RSPO2: variants seen among roughly 807,000 people sequenced by gnomAD.
RSPO2 encodes R-spondin 2.
In RSPO2, 14 loss-of-function variants were observed where a neutral mutation model predicts 30.9. The ratio of observed to expected loss-of-function variants is 0.45; its 90% CI spans 0.30 to 0.71. The LOEUF is 0.71. Among genes scored for constraint, RSPO2 ranks in the 30% least tolerant of loss-of-function variants. The pLI is 0.08. For synonymous variants in RSPO2, 107 were observed against 96.4 expected (o/e 1.11, Z -0.64); for missense variants, 264 against 301.9 (o/e 0.87, Z 0.93).
chr8:107,911,529 T>C (rs974744340), intron 5 of RSPO2, among the ~76,000 whole-genome samples: 2 of 152,192 alleles, frequency 1.3e-5, no homozygotes, highest in Non-Finnish European at 2.9e-5. Context: ...GTAACAATGA[T>C]GCCTGCTTCA....
intron 2 of RSPO2, among the ~76,000 whole-genome samples, chr8:108,075,274 A>G (rs1400680702): frequency 6.6e-6 from 1 of 152,210 alleles, no homozygotes; most frequent in Non-Finnish European, 1.5e-5. Context: ...TGAGGTCAGG[A>G]GTTCAAGACC....
At chr8:108,080,844 C>T (rs1429094623) in intron 2 of RSPO2, among the ~76,000 whole-genome samples, 1 of 152,156 alleles carries the variant, frequency 6.6e-6, no homozygotes, top group East Asian at 1.9e-4. Flanking sequence ...TAGACTGCAG[C>T]TTTGACTTAT....
chr8:107,953,927 T>G (rs936379285), intron 5 of RSPO2, among the ~76,000 whole-genome samples: 5 of 152,226 alleles, frequency 3.3e-5, no homozygotes, highest in African/African-American at 1.2e-4. Flanking sequence ...CCTGTCCTAC[T>G]TGTCTCCACA....
intron 2 of RSPO2, among the ~76,000 whole-genome samples, chr8:107,999,184 T>A (rs1815139116): frequency 6.7e-6 from 1 of 150,154 alleles, no homozygotes; most frequent in Admixed American, 6.6e-5. Context: ...CTCATATTAA[T>A]TTATCTAACA....
chr8:107,956,435 C>T (rs1813436929), intron 5 of RSPO2, among the ~76,000 whole-genome samples: 1 of 152,078 alleles, frequency 6.6e-6, no homozygotes, highest in African/African-American at 2.4e-5. Flanking sequence ...TTTGTTTTGG[C>T]GTAACTTAAA....
At chr8:108,043,431 T>C (rs1811814042) in intron 2 of RSPO2, among the ~76,000 whole-genome samples, 1 of 152,140 alleles carries the variant, frequency 6.6e-6, no homozygotes, top group Admixed American at 6.6e-5. Flanking sequence ...TTACATTTCA[T>C]CTGTTTTATT....
intron 3 of RSPO2, among the ~76,000 whole-genome samples, chr8:107,969,677 A>G (rs1283004466): frequency 6.6e-6 from 1 of 152,184 alleles, no homozygotes; most frequent in East Asian, 1.9e-4. Flanking sequence ...TTTTTTTCCC[A>G]TGGTGAAGGT....
At chr8:107,938,521 C>T (rs1439597513) in intron 5 of RSPO2, among the ~76,000 whole-genome samples, 1 of 152,098 alleles carries the variant, frequency 6.6e-6, no homozygotes, top group Non-Finnish European at 1.5e-5. Context: ...TGTAATTCCC[C>T]AGCCCATCAA....
intron 3 of RSPO2, chr8:107,983,152 C>A: frequency 6.6e-7 from 1 of 1,513,900 alleles, no homozygotes; most frequent in South Asian, 1.3e-5. Context: ...CCTGGCTCAT[C>A]AACAGAGCAG....
At chr8:108,001,009 AT>A (rs1394998325) in intron 2 of RSPO2, among the ~76,000 whole-genome samples, 3 of 148,570 alleles carry the variant, frequency 2.0e-5, no homozygotes, top group African/African-American at 7.5e-5. Flanking sequence ...TCTTAAAAAA[AT>A]AAAAATAAAT....
intron 2 of RSPO2, chr8:108,081,785 T>C (rs1171471645): frequency 2.4e-6 from 1 of 414,128 alleles, no homozygotes; most frequent in East Asian, 1.6e-4. Flanking sequence ...TGAATTTCAT[T>C]GAGAACAGAA....
chr8:107,982,628 G>A (rs1814484512), intron 3 of RSPO2, among the ~76,000 whole-genome samples: 1 of 152,120 alleles, frequency 6.6e-6, no homozygotes, highest in Admixed American at 6.5e-5. Flanking sequence ...GAGAATGAGT[G>A]TATATAATCA....
chr8:108,073,559 T>A (rs1423223530), intron 2 of RSPO2, among the ~76,000 whole-genome samples: 1 of 152,224 alleles, frequency 6.6e-6, no homozygotes, highest in Non-Finnish European at 1.5e-5. Flanking sequence ...GTCAGATCAA[T>A]GCCAGCACCA....
chr8:107,913,659 T>C (rs912443864), intron 5 of RSPO2, among the ~76,000 whole-genome samples: 3 of 152,194 alleles, frequency 2.0e-5, no homozygotes, highest in Admixed American at 2.0e-4. Flanking sequence ...CTGGATTATC[T>C]TGATACTAAA....
chr8:108,058,585 T>G (rs1239138707), intron 2 of RSPO2, among the ~76,000 whole-genome samples: 1 of 151,464 alleles, frequency 6.6e-6, no homozygotes, highest in Non-Finnish European at 1.5e-5. Flanking sequence ...TCACACTACC[T>G]GACTTCAAAC....
At chr8:107,914,461 G>GT (rs1376835128) in intron 5 of RSPO2, among the ~76,000 whole-genome samples, 8 of 138,622 alleles carry the variant, frequency 5.8e-5, no homozygotes, top group Non-Finnish European at 9.6e-5. Flanking sequence ...CACAGAATAG[G>GT]TAAAAAAAAA....
intron 2 of RSPO2, chr8:107,989,570 C>T (rs1205108168): frequency 4.3e-6 from 1 of 231,970 alleles, no homozygotes; most frequent in Non-Finnish European, 8.2e-6. Flanking sequence ...ATGTGAAGAT[C>T]TAGCACTTAG....
chr8:108,000,541 T>G (rs1443930), intron 2 of RSPO2, among the ~76,000 whole-genome samples: 98,357 of 151,714 alleles, frequency 0.65, 32,208 homozygotes, highest in South Asian at 0.73. Context: ...TGTGTTTTTT[T>G]TTTGAGTTTT....
At chr8:108,079,696 T>C (rs904335014) in intron 2 of RSPO2, among the ~76,000 whole-genome samples, 14 of 145,080 alleles carry the variant, frequency 9.6e-5, no homozygotes, top group African/African-American at 3.4e-4. Flanking sequence ...AGATGGAATA[T>C]GGAAAAAAAA....
Sources: gnomAD v4.1 joint callset for allele counts (sites outside exome capture counted in the v4.1 genomes callset) on GRCh38, gnomAD v4.1.1 for gene constraint, MANE v1.5 for transcripts, NCBI Gene and HGNC (gene_info 2026-07-23, HGNC 2026-07-21) for gene names.